Variants in PTPRM observed in about 807,000 individuals in gnomAD.
PTPRM encodes the protein protein tyrosine phosphatase receptor type M.
A neutral mutation model predicts 186.7 loss-of-function variants in PTPRM; 47 were observed. The observed-to-expected ratio is 0.25, with a 90% CI of 0.20 to 0.32. The LOEUF (loss-of-function observed/expected upper bound fraction) is 0.32. PTPRM is among the 10% of genes least tolerant of loss of function. The pLI is 1.00. For missense variants in PTPRM, 1,494 were observed against 1,865.0 expected, an observed-to-expected ratio of 0.80 and a Z score of 3.66; for synonymous variants, 668 against 674.9, an observed-to-expected ratio of 0.99 and a Z score of 0.16.
chr18:7,872,307 A>G (rs1008087410), intron 2 of PTPRM, among the ~76,000 whole-genome samples: 1 of 152,142 alleles, frequency 6.6e-6, no homozygotes, highest in African/African-American at 2.4e-5. Context: ...AAGATATCCC[A>G]TTTATCCTTC....
At chr18:7,703,035 A>G (rs1345321778) in intron 1 of PTPRM, among the ~76,000 whole-genome samples, 1 of 152,280 alleles carries the variant, frequency 6.6e-6, no homozygotes, top group East Asian at 1.9e-4. Flanking sequence ...CCATTGGTCT[A>G]TATATCTGTT....
chr18:7,834,531 T>TACACACACACACACACAC (rs2045938536), intron 2 of PTPRM, among the ~76,000 whole-genome samples: 1 of 13,828 alleles, frequency 7.2e-5, no homozygotes. Flanking sequence ...CACACACACT[T>TACACACACACACACACAC]CCAGACTCAT....
chr18:7,905,104 C>A (rs565667448), intron 3 of PTPRM, among the ~76,000 whole-genome samples: 1 of 152,286 alleles, frequency 6.6e-6, no homozygotes, highest in East Asian at 1.9e-4. Context: ...AGCGATTCTC[C>A]TGTGTCAGCC....
At chr18:7,938,245 G>GATTTTAA (rs1424924715) in intron 5 of PTPRM, among the ~76,000 whole-genome samples, 2 of 152,168 alleles carry the variant, frequency 1.3e-5, no homozygotes, top group Non-Finnish European at 2.9e-5. Context: ...AAACTGTAGG[G>GATTTTAA]ATTTTAACCT....
At chr18:7,578,320 C>T (rs957691716) in intron 1 of PTPRM, among the ~76,000 whole-genome samples, 1 of 149,670 alleles carries the variant, frequency 6.7e-6, no homozygotes, top group African/African-American at 2.5e-5. Flanking sequence ...CATCACCATG[C>T]CTGGCTAATT....
chr18:8,273,108 T>C (rs1337432454), intron 19 of PTPRM, among the ~76,000 whole-genome samples: 1 of 152,186 alleles, frequency 6.6e-6, no homozygotes, highest in Non-Finnish European at 1.5e-5. Context: ...TATAGCTAGA[T>C]TTTAGTATTT....
chr18:7,620,541 G>A (rs2037913493), intron 1 of PTPRM, among the ~76,000 whole-genome samples: 1 of 152,070 alleles, frequency 6.6e-6, no homozygotes, highest in South Asian at 2.1e-4. Flanking sequence ...GGGCGGCTGG[G>A]GAATCGGATT....
intron 1 of PTPRM, among the ~76,000 whole-genome samples, chr18:7,731,716 G>A (rs148835404): frequency 6.5e-4 from 99 of 152,302 alleles, no homozygotes; most frequent in African/African-American, 2.1e-3. Context: ...AGGATTAAGG[G>A]AGAGGGGAAA....
At chr18:7,811,926 T>G in intron 2 of PTPRM, among the ~76,000 whole-genome samples, 1 of 152,210 alleles carries the variant, frequency 6.6e-6, no homozygotes, top group Non-Finnish European at 1.5e-5. Context: ...ACTGGATAGA[T>G]TAATACCCAG....
chr18:7,959,837 A>G (rs538894801), intron 7 of PTPRM, among the ~76,000 whole-genome samples: 1 of 152,368 alleles, frequency 6.6e-6, no homozygotes, highest in East Asian at 1.9e-4. Context: ...GATTATAGTC[A>G]AGCTACCTTC....
chr18:7,780,117 A>G (rs2042782686), intron 2 of PTPRM, among the ~76,000 whole-genome samples: 1 of 152,250 alleles, frequency 6.6e-6, no homozygotes, highest in South Asian at 2.1e-4. Context: ...TCTAAATCTT[A>G]GGCAAGTGGC....
chr18:7,838,284 C>A (rs1353641118), intron 2 of PTPRM, among the ~76,000 whole-genome samples: 2 of 152,162 alleles, frequency 1.3e-5, no homozygotes, highest in African/African-American at 2.4e-5. Flanking sequence ...CACTCACTAT[C>A]ATGAGAAAAG....
chr18:7,835,759 C>G (rs767864861), intron 2 of PTPRM, among the ~76,000 whole-genome samples: 39 of 151,986 alleles, frequency 2.6e-4, no homozygotes, highest in Admixed American at 1.0e-3. Flanking sequence ...CAATGTTGGG[C>G]CCATATATAT....
chr18:7,706,243 G>A (rs551183087), intron 1 of PTPRM, among the ~76,000 whole-genome samples: 1 of 151,684 alleles, frequency 6.6e-6, no homozygotes, highest in Admixed American at 6.6e-5. Context: ...CAATAAAGAG[G>A]GTTTTCTGGA....
At chr18:7,715,368 G>C (rs747774707) in intron 1 of PTPRM, among the ~76,000 whole-genome samples, 4 of 152,054 alleles carry the variant, frequency 2.6e-5, no homozygotes, top group Non-Finnish European at 5.9e-5. Context: ...AAAATAATAA[G>C]AGCTATTTAT....
intron 12 of PTPRM, 131 bp downstream of exon 12, chr18:8,113,890 T>C (rs1259829469): frequency 1.0e-6 from 1 of 997,102 alleles, no homozygotes; most frequent in South Asian, 2.2e-5. Flanking sequence ...GTGATTTTCT[T>C]CTCTTAAAAT....
chr18:8,136,115 G>C (rs2046652249), intron 13 of PTPRM, among the ~76,000 whole-genome samples: 1 of 152,140 alleles, frequency 6.6e-6, no homozygotes, highest in Admixed American at 6.5e-5. Context: ...TCAAAGTTTA[G>C]TTTCAAGCAA....
intron 20 of PTPRM, among the ~76,000 whole-genome samples, chr18:8,299,154 G>C (rs1056251250): frequency 6.6e-6 from 1 of 152,036 alleles, no homozygotes; most frequent in African/African-American, 2.4e-5. Context: ...CACTTGGCCC[G>C]TGTGGGTATT....
At chr18:8,208,729 C>T (rs970595869) in intron 14 of PTPRM, among the ~76,000 whole-genome samples, 1 of 152,184 alleles carries the variant, frequency 6.6e-6, no homozygotes, top group Non-Finnish European at 1.5e-5. Context: ...CCAGGCTGGT[C>T]TAGAACTCCT....
Sources: allele counts gnomAD v4.1 joint callset (sites outside exome capture counted in the v4.1 genomes callset), GRCh38; gene constraint gnomAD v4.1.1; transcripts MANE v1.5; gene names NCBI Gene and HGNC (gene_info 2026-07-23, HGNC 2026-07-21).